The following FAM107B variants were observed in gnomAD, a reference collection of about 807,000 sequenced individuals.
FAM107B encodes the protein family with sequence similarity 107 member B.
A neutral mutation model predicts 31.5 loss-of-function variants in FAM107B; 21 were observed. That is an observed-to-expected ratio of 0.67 (90% CI 0.47 to 0.96). The LOEUF (loss-of-function observed/expected upper bound fraction) is 0.96, where lower values mean the gene tolerates loss of function less well. FAM107B is among the 40% of genes least tolerant of loss of function. FAM107B has a pLI of 0.00. For missense variants in FAM107B, 452 were observed against 377.1 expected (o/e 1.20, Z -1.64); for synonymous variants, 157 against 141.5 (o/e 1.11, Z -0.78).
chr10:14,658,776 C>T (rs1444150166), intron 2 of FAM107B, among the ~76,000 whole-genome samples: 1 of 152,196 alleles, frequency 6.6e-6, no homozygotes, highest in Non-Finnish European at 1.5e-5. Flanking sequence ...TGAGTGCCTC[C>T]TATATGTCAG....
At chr10:14,729,670 C>T (rs776075015) in intron 1 of FAM107B, among the ~76,000 whole-genome samples, 8 of 152,172 alleles carry the variant, frequency 5.3e-5, no homozygotes, top group Non-Finnish European at 7.3e-5. Context: ...CCATTTCACC[C>T]AGCGATCCCA....
chr10:14,709,134 G>A (rs769268264), intron 1 of FAM107B, among the ~76,000 whole-genome samples: 3 of 152,148 alleles, frequency 2.0e-5, no homozygotes, highest in Non-Finnish European at 4.4e-5. Context: ...AAGACAGTTT[G>A]GTAGTTTCTC....
chr10:14,642,686 T>C (rs2131434303), intron 2 of FAM107B, among the ~76,000 whole-genome samples: 1 of 152,312 alleles, frequency 6.6e-6, no homozygotes, highest in East Asian at 1.9e-4. Flanking sequence ...GCTTAATAAT[T>C]CCTTCTTCAA....
At chr10:14,601,817 G>A (rs1173223930) in intron 2 of FAM107B, among the ~76,000 whole-genome samples, 6 of 152,140 alleles carry the variant, frequency 3.9e-5, no homozygotes, top group Admixed American at 3.3e-4. Context: ...TTTCCATCAG[G>A]AGAGAAGTCT....
Position 14,767,024 on chromosome 10 carries a change from G to GTATATATA in FAM107B, c.411+7221_411+7228dup, listed in dbSNP as rs369321562. ...GCAGAACAATATCCCTGATGTGTAT[G>GTATATATA]TATATATATATATATATATATATAT... is the stretch of plus-strand genomic sequence containing the variant. On this transcript the variant is annotated intron_variant, in intron 1 of 4. Transcript: ENST00000181796. Among the ~76,000 whole-genome samples the GTATATATA allele has an allele frequency of 9.0e-3, 146 of 16,164 alleles. 10 individuals are homozygous for GTATATATA. The highest frequency in any genetic ancestry group is 0.021 in the South Asian group (3 of 144). 10.6% of individuals were successfully genotyped at this position (16,164 alleles called of 152,430 possible). A position where few individuals can be genotyped will look rare whatever the true frequency, so the allele number is the denominator to read the frequency against.
chr10:14,736,214 T>C (rs1856296170), intron 1 of FAM107B, among the ~76,000 whole-genome samples: 2 of 152,162 alleles, frequency 1.3e-5, no homozygotes, highest in Non-Finnish European at 2.9e-5. Flanking sequence ...CAGTTTGTTC[T>C]CTAGTTTTCA....
At chr10:14,558,888 G>T (rs1044467894) in intron 2 of FAM107B, among the ~76,000 whole-genome samples, 1 of 151,872 alleles carries the variant, frequency 6.6e-6, no homozygotes, top group East Asian at 1.9e-4. Flanking sequence ...AGATGAAAAC[G>T]CAGGAGAAAA....
intron 1 of FAM107B, among the ~76,000 whole-genome samples, chr10:14,740,982 G>A (rs559775660): frequency 5.3e-5 from 8 of 152,102 alleles, no homozygotes; most frequent in Admixed American, 2.0e-4. Flanking sequence ...CCAGTTTGGC[G>A]GCCAGGAAAC....
chr10:14,646,240 A>G (rs1853750454), intron 2 of FAM107B, among the ~76,000 whole-genome samples: 1 of 152,106 alleles, frequency 6.6e-6, no homozygotes, highest in South Asian at 2.1e-4. Context: ...GGTGACATAG[A>G]TGAATTATAT....
intron 2 of FAM107B, among the ~76,000 whole-genome samples, chr10:14,634,612 A>C (rs868150862): frequency 2.0e-5 from 3 of 151,946 alleles, no homozygotes; most frequent in Non-Finnish European, 4.4e-5. Flanking sequence ...AAGAAAAAAA[A>C]CCCCAAAACC....
At chr10:14,713,746 G>A (rs565992222) in intron 1 of FAM107B, among the ~76,000 whole-genome samples, 31 of 151,532 alleles carry the variant, frequency 2.0e-4, no homozygotes, top group African/African-American at 4.6e-4. Flanking sequence ...TCATTGCAGC[G>A]CTATTCACAA....
chr10:14,774,877 A>T lies in FAM107B; in HGVS notation c.-214T>A, dbSNP rs1833386476. The T allele has an allele frequency of 1.6e-5, 9 of 574,216 alleles. No homozygotes were observed. In the South Asian group the frequency reaches 2.0e-4, roughly 13 times the overall value. 35.6% of individuals were successfully genotyped at this position (574,216 alleles called of 1,614,324 possible). On this transcript the variant is annotated 5_prime_UTR_variant, in exon 1 of 5. In the 5' UTR this introduces an upstream ATG that the reference lacks. Coordinates refer to ENST00000181796, the MANE Select transcript of FAM107B (RefSeq NM_031453.4). ...CCTTTGAAAGTGTCCATCCTGGGCA[A>T]TTTCGCGCTCTTCCTTCTGTGATGC... is the stretch of plus-strand genomic sequence containing the variant.
intron 2 of FAM107B, among the ~76,000 whole-genome samples, chr10:14,628,112 G>GT (rs71505033): frequency 0.021 from 1,975 of 92,606 alleles, 124 homozygotes; most frequent in African/African-American, 0.031. Flanking sequence ...TGTTTTGCTG[G>GT]TTTTTTTTTT....
chr10:14,585,987 C>A (rs1480427324), intron 2 of FAM107B, among the ~76,000 whole-genome samples: 6 of 152,186 alleles, frequency 3.9e-5, no homozygotes, highest in Non-Finnish European at 8.8e-5. Flanking sequence ...CTGCCACTAA[C>A]TGCTGACCCT....
intron 2 of FAM107B, 150 bp downstream of exon 2, chr10:14,667,484 G>C (rs973492559): frequency 1.4e-6 from 1 of 696,706 alleles, no homozygotes; most frequent in African/African-American, 1.8e-5. Flanking sequence ...TGTCGTGCCT[G>C]GAATATATCA....
At position 14,685,283 on chromosome 10, in the gene FAM107B, G is replaced by T. The variant is rs370293073; in HGVS notation, c.412-17592C>A. 2.6e-5 allele frequency among the ~76,000 whole-genome samples: 4 copies of T among 151,648 alleles called. No homozygotes were observed. The South Asian group carries it at 6.3e-4, about 24-fold the overall frequency. Reference sequence around the variant, plus strand: ...CCCACCTCAGCCTCCTGAGTAGCTAGGACTACAGGTATGTACCACCATGAC... The same window carrying T: ...CCCACCTCAGCCTCCTGAGTAGCTATGACTACAGGTATGTACCACCATGAC... On this transcript the variant is annotated intron_variant, in intron 1 of 4. Transcript: ENST00000181796.
At chr10:14,755,247 C>A (rs7071353) in intron 1 of FAM107B, among the ~76,000 whole-genome samples, 1,952 of 152,112 alleles carry the variant, frequency 0.013, 43 homozygotes, top group African/African-American at 0.044. Flanking sequence ...ATGAACAAGT[C>A]CCATTAGGTA....
Position 14,774,116 on chromosome 10 carries a change from C to T in FAM107B, c.411+137G>A, listed in dbSNP as rs542642784. ...GAATCTACACGGCTTTAACACACTT[C>T]TTCGCACTAGTGAGAACGCCCGCAA... On this transcript the variant is annotated intron_variant, in intron 1 of 4. Coordinates refer to ENST00000181796, the MANE Select transcript of FAM107B (RefSeq NM_031453.4). 7.8e-5 allele frequency: 81 copies of T among 1,040,774 alleles called. 1 individual carries two copies. The South Asian group carries it at 1.3e-3, about 16-fold the overall frequency. 64.5% of individuals were successfully genotyped at this position (1,040,774 alleles called of 1,614,324 possible).
In FAM107B at chr10:14,774,555, T is replaced by A. The variant is rs1833378953; in HGVS notation, c.109A>T (p.Ser37Cys). 1.2e-6 allele frequency: 2 copies of A among 1,613,990 alleles called. No individual in the cohort carries two copies. The highest frequency in any genetic ancestry group is 1.7e-6 in the Non-Finnish European group (2 of 1,180,020). Reference sequence around the variant, plus strand: ...ACGCCGGACTGATTGAAGGAAGCACTCTCCCTCGTATTCCCAAAACAGGCG... The same window carrying A: ...ACGCCGGACTGATTGAAGGAAGCACACTCCCTCGTATTCCCAAAACAGGCG... ...LLACFGNTRE[S>C]ASFNQSGVAD... Residue 37 changes from serine (S) to cysteine (C), a missense_variant, in exon 1 of 5, where the codon AGT becomes TGT. Transcript: ENST00000181796.
Sources: gnomAD v4.1 joint callset for allele counts (sites outside exome capture counted in the v4.1 genomes callset) on GRCh38, gnomAD v4.1.1 for gene constraint, MANE v1.5 for transcripts, NCBI Gene and HGNC (gene_info 2026-07-23, HGNC 2026-07-21) for gene names.